Variants in MAP3K6 observed in about 807,000 individuals in gnomAD.
MAP3K6 encodes apoptosis signal-regulating kinase 2.
In MAP3K6, 105 loss-of-function variants were observed where a neutral mutation model predicts 147.1. That is an observed-to-expected ratio of 0.71 (90% CI 0.61 to 0.84). MAP3K6 has a LOEUF of 0.84. Among genes scored for constraint, MAP3K6 ranks in the 40% least tolerant of loss-of-function variants. The pLI is 0.00. For missense variants in MAP3K6, 1,569 were observed against 1,715.0 expected (o/e 0.91, Z 1.50); for synonymous variants, 695 against 732.4 (o/e 0.95, Z 0.82).
In MAP3K6 at chr1:27,358,109, A is replaced by G; in HGVS notation, c.2915+72T>C. 3.9e-6 allele frequency: 6 copies of G among 1,522,726 alleles called. No individual in the cohort carries two copies. Among genetic ancestry groups the G allele is most frequent in the Non-Finnish European group, 5.3e-6 (6 of 1,138,788 alleles). The allele number at this position is 1,522,726 out of a possible 1,614,324, so 94.3% of individuals were successfully genotyped here. A position where few individuals can be genotyped will look rare whatever the true frequency, so the allele number is the denominator to read the frequency against. On this transcript the variant is annotated intron_variant, in intron 21 of 28. Coordinates refer to ENST00000357582, the MANE Select transcript of MAP3K6 (RefSeq NM_004672.5). This position sits in a 1 kb window ranked among gnomAD's most constrained non-coding sequence, Gnocchi z 6.2. The stretch of plus-strand genomic sequence containing the variant: ...GGTCAAGGTGCCCAGGTCCCCAGGG[A>G]GGGCTTTTGTAGGAGAGGAGAAAAA...
At chr1:27,362,595 C>G (rs769472439) in intron 8 of MAP3K6, 46 bp downstream of exon 8, 2 of 1,438,094 alleles carry the variant, frequency 1.4e-6, no homozygotes, top group East Asian at 5.0e-5. Flanking sequence ...CCAGGCCCCT[C>G]GGAACCCCTG....
Position 27,362,906 on chromosome 1 carries a change from T to G in MAP3K6, c.1087A>C (p.Met363Leu). 1 of 1,614,066 alleles carries G rather than the reference T, an allele frequency of 6.2e-7. No individual in the cohort carries two copies. Among genetic ancestry groups the G allele is most frequent in the Non-Finnish European group, 8.5e-7 (1 of 1,179,994 alleles). ...YCMCGRIYKDMFFSSGFQDAG... is the reference protein window; with the variant it reads ...YCMCGRIYKDLFFSSGFQDAG... ...TCCTGGAAACCCGAGCTGAAGAACA[T>G]GTCCTTGTAGATACGGCCACACATG... The change falls in exon 7 of 29, where the codon ATG becomes CTG. Residue 363 changes from methionine to leucine, a missense_variant. Physicochemically the swap from Met to Leu is conservative, Grantham distance 15. Coordinates refer to ENST00000357582, the MANE Select transcript of MAP3K6 (RefSeq NM_004672.5).
rs141857843 is a variant in MAP3K6 at position 27,364,272 on chromosome 1, G to A, written c.627C>T (p.Thr209=). ...CCACCAGGGGAGTGAGCAGGGCCTC[G>A]GTCCCCACTCCAGCCTGTACCAGCC... ...ADGLVQAGVG[T]EALLTPLVGR... The change falls in exon 4 of 29, where the codon ACC becomes ACT. Residue 209 remains threonine, a synonymous_variant. Coordinates refer to ENST00000357582, the MANE Select transcript of MAP3K6 (RefSeq NM_004672.5). This position sits in a 1 kb window ranked among gnomAD's most constrained non-coding sequence, Gnocchi z 4.4. 4.0e-5 allele frequency: 64 copies of A among 1,613,650 alleles called. No individual in the cohort carries two copies. In the Admixed American group the frequency reaches 7.2e-4, roughly 18 times the overall value.
chr1:27,358,761 G>A lies in MAP3K6; in HGVS notation c.2531C>T (p.Thr844Ile). Residue 844 changes from threonine to isoleucine, a missense_variant, in exon 19 of 29, where the codon ACA becomes ATA. Transcript: ENST00000357582. This position sits in a 1 kb window ranked among gnomAD's most constrained non-coding sequence, Gnocchi z 6.2. ...GAGCTCGTGGAAGGGGGGGCGACCT[G>A]TGGCCATCTCAATGACAGTGCAGCC... ...SLGCTVIEMATGRPPFHELGS... is the reference protein window; with the variant it reads ...SLGCTVIEMAIGRPPFHELGS... The A allele has an allele frequency of 1.9e-6, 3 of 1,614,036 alleles. No homozygotes were observed. Among genetic ancestry groups the A allele is most frequent in the African/African-American group, 1.3e-5 (1 of 75,032 alleles).
chr1:27,357,470 TGCAGCGCCC>T lies in MAP3K6; in HGVS notation c.3179_3187del (p.Arg1060_Leu1062del), dbSNP rs1321782704. The T allele has an allele frequency of 6.2e-7, 1 of 1,613,522 alleles. No individual in the cohort carries two copies. The highest frequency in any genetic ancestry group is 2.2e-5 in the East Asian group (1 of 44,864). On this transcript the variant is annotated inframe_deletion, in exon 23 of 29. Coordinates refer to ENST00000357582, the MANE Select transcript of MAP3K6 (RefSeq NM_004672.5). ...AAGGCCCTGGGCCCTCAGCCGTCCT[TGCAGCGCCC>T]GCAGCTCCTGGGCGAGCTGCCGGCG...
rs1039686467 is a variant in MAP3K6, at chr1:27,359,007, C to G, written c.2426-141G>C. On this transcript the variant is annotated intron_variant, in intron 18 of 28. Coordinates refer to ENST00000357582, the MANE Select transcript of MAP3K6 (RefSeq NM_004672.5). The surrounding 1 kb of genome is among the most constrained non-coding windows in gnomAD (Gnocchi z 4.4). ...AATATACCTCAACACCTATCCTGGT[C>G]ATCAAACATCTATCCTGAGTTCCAT... The G allele has an allele frequency of 7.1e-5, 60 of 841,722 alleles. No individual in the cohort carries two copies. The Middle Eastern group carries it at 1.7e-3, about 23-fold the overall frequency. The allele number at this position is 841,722 out of a possible 1,614,324, so 52.1% of individuals were successfully genotyped here. A position where few individuals can be genotyped will look rare whatever the true frequency, so the allele number is the denominator to read the frequency against.
At position 27,359,432 on chromosome 1, in the gene MAP3K6, T is replaced by C; in HGVS notation, c.2410A>G (p.Thr804Ala). ...SKRLAGITPC[T>A]ETFTGTLQYM... ...ACCTTGTTACCTGTGAAGGTCTCAG[T>C]GCAAGGTGTGATGCCTGCCAGCCGC... The change falls in exon 18 of 29, where the codon ACT (threonine) becomes GCT (alanine). Residue 804 changes from threonine to alanine, a missense_variant. Thr to Ala is a moderately conservative substitution (Grantham distance 58). Coordinates refer to ENST00000357582, the MANE Select transcript of MAP3K6 (RefSeq NM_004672.5). This position sits in a 1 kb window ranked among gnomAD's most constrained non-coding sequence, Gnocchi z 4.4. 1 of 1,614,096 alleles carries C rather than the reference T, an allele frequency of 6.2e-7. No individual in the cohort carries two copies. The highest frequency in any genetic ancestry group is 2.2e-5 in the East Asian group (1 of 44,872).
At position 27,366,764 on chromosome 1, in the gene MAP3K6, T is replaced by C; in HGVS notation, c.-167A>G. On this transcript the variant is annotated 5_prime_UTR_variant, in exon 1 of 29. Coordinates refer to ENST00000357582, the MANE Select transcript of MAP3K6 (RefSeq NM_004672.5). The surrounding 1 kb of genome is among the most constrained non-coding windows in gnomAD (Gnocchi z 5.5). ...GGCCTGACGTCCCGTTCCAGGAATCTAAAGTCCAGGGAGAAATCCTAGCTC... is the reference window on the plus strand; with the variant it reads ...GGCCTGACGTCCCGTTCCAGGAATCCAAAGTCCAGGGAGAAATCCTAGCTC... The C allele has an allele frequency of 2.5e-6, 1 of 396,232 alleles. No homozygotes were observed. Among genetic ancestry groups the C allele is most frequent in the Non-Finnish European group, 3.5e-6 (1 of 288,266 alleles). The allele number at this position is 396,232 out of a possible 1,614,324, so 24.5% of individuals were successfully genotyped here. A position where few individuals can be genotyped will look rare whatever the true frequency, so the allele number is the denominator to read the frequency against.
Position 27,357,701 on chromosome 1 carries a change from G to A in MAP3K6, c.3081+10C>T, listed in dbSNP as rs751706835. On this transcript the variant is annotated intron_variant, in intron 22 of 28. Transcript: ENST00000357582. ...GCGACCACCAGGGGGCGCTAGAGTG[G>A]GCCGCCCACCTGCTCTTGCTTCTGC... 2.9e-5 allele frequency: 46 copies of A among 1,609,146 alleles called. No individual in the cohort carries two copies. Among genetic ancestry groups the A allele is most frequent in the Non-Finnish European group, 3.4e-5 (40 of 1,179,410 alleles).
rs951178009 is a variant in MAP3K6 at position 27,359,234 on chromosome 1, C to T, written c.2425+183G>A. ...CCTCAAGTGCTAAAGTCAATTTCAT[C>T]ACTTCTCCAAGCTCCAGTTCCAGAT... On this transcript the variant is annotated intron_variant, in intron 18 of 28. Transcript: ENST00000357582. This position sits in a 1 kb window ranked among gnomAD's most constrained non-coding sequence, Gnocchi z 4.4. Among the ~76,000 whole-genome samples the T allele has an allele frequency of 7.9e-5, 12 of 152,198 alleles. No individual in the cohort carries two copies. Among genetic ancestry groups the T allele is most frequent in the Non-Finnish European group, 1.5e-4 (10 of 68,038 alleles).
In MAP3K6 at chr1:27,359,339, A is replaced by C; in HGVS notation, c.2425+78T>G. The C allele has an allele frequency of 6.2e-7, 1 of 1,603,720 alleles. No homozygotes were observed. Among genetic ancestry groups the C allele is most frequent in the South Asian group, 1.1e-5 (1 of 90,402 alleles). ...GACTCTAACTCCATGCCTAGGAGAA[A>C]CCCCCTTCCCTGGAAAGTTCCAAGA... On this transcript the variant is annotated intron_variant, in intron 18 of 28. Coordinates refer to ENST00000357582, the MANE Select transcript of MAP3K6 (RefSeq NM_004672.5). This position sits in a 1 kb window ranked among gnomAD's most constrained non-coding sequence, Gnocchi z 4.4.
At position 27,360,126 on chromosome 1, in the gene MAP3K6, G is replaced by C. The variant is rs2015690685; in HGVS notation, c.2182+115C>G. The C allele has an allele frequency of 6.3e-7, 1 of 1,577,178 alleles. No homozygotes were observed. Among genetic ancestry groups the C allele is most frequent in the South Asian group, 1.2e-5 (1 of 86,014 alleles). On this transcript the variant is annotated intron_variant, in intron 16 of 28. Transcript: ENST00000357582. This position sits in a 1 kb window ranked among gnomAD's most constrained non-coding sequence, Gnocchi z 4.5. ...AGCGCCACTCCTCAGCTAATTCTAG[G>C]CTACACCACCCACACGCACTAGGGT...
In MAP3K6 at chr1:27,364,439, A is replaced by G. The variant is rs1305386416; in HGVS notation, c.505-45T>C. ...AATCAGTGAGGTCAGAGGTCAGCAC[A>G]GGGCTAGACAAGGGGAGTGAGAGCA... is the stretch of plus-strand genomic sequence containing the variant. On this transcript the variant is annotated intron_variant, in intron 3 of 28. Coordinates refer to ENST00000357582, the MANE Select transcript of MAP3K6 (RefSeq NM_004672.5). This position sits in a 1 kb window ranked among gnomAD's most constrained non-coding sequence, Gnocchi z 4.4. 2 of 1,603,006 alleles carry G rather than the reference A, an allele frequency of 1.2e-6. No homozygotes were observed.
Position 27,358,001 on chromosome 1 carries a change from C to T in MAP3K6, c.2916-125G>A. On this transcript the variant is annotated intron_variant, in intron 21 of 28. Transcript: ENST00000357582. This position sits in a 1 kb window ranked among gnomAD's most constrained non-coding sequence, Gnocchi z 6.2. ...CTCACAGGCATGAACATAGATAAAC[C>T]CCGCACTGAGAGGACACAACAAGTC... 2 of 1,469,764 alleles carry T rather than the reference C, an allele frequency of 1.4e-6. No individual in the cohort carries two copies. The highest frequency in any genetic ancestry group is 2.4e-5 in the East Asian group (1 of 40,998). The allele number at this position is 1,469,764 out of a possible 1,614,324, so 91.0% of individuals were successfully genotyped here. A position where few individuals can be genotyped will look rare whatever the true frequency, so the allele number is the denominator to read the frequency against.
At position 27,358,881 on chromosome 1, in the gene MAP3K6, G is replaced by A. The variant is rs377043999; in HGVS notation, c.2426-15C>T. The A allele has an allele frequency of 7.2e-5, 112 of 1,547,870 alleles. No individual in the cohort carries two copies. The highest frequency in any genetic ancestry group is 2.7e-4 in the Admixed American group (14 of 50,984). ...CTGCAGAGTTCCTAGGACAGAAACA[G>A]GAGCACCAATGCCCATCTAGGCTTC... On this transcript the variant is annotated splice_polypyrimidine_tract_variant and intron_variant, in intron 18 of 28. Coordinates refer to ENST00000357582, the MANE Select transcript of MAP3K6 (RefSeq NM_004672.5). The surrounding 1 kb of genome is among the most constrained non-coding windows in gnomAD (Gnocchi z 6.2).
rs374713008 is a variant in MAP3K6, at chr1:27,362,956, C to T, written c.1037G>A (p.Gly346Asp). Residue 346 changes from glycine to aspartate, a missense_variant, in exon 7 of 29, where the codon GGC (glycine) becomes GAC (aspartate). Coordinates refer to ENST00000357582, the MANE Select transcript of MAP3K6 (RefSeq NM_004672.5). ...GCAGTACAGATCGGGCGCCACAGAG[C>T]CCTCAAGCTGTACCAGCGGCAGCAG... The part of the protein sequence containing the change: ...SVLLPLVQLE[G>D]SVAPDLYCMC... 45 of 1,613,972 alleles carry T rather than the reference C, an allele frequency of 2.8e-5. No individual in the cohort carries two copies. In the African/African-American group the frequency reaches 3.5e-4, roughly 12 times the overall value.
At chr1:27,363,099 C>A (rs1323922452) in intron 6 of MAP3K6, 78 bp from the exon 7 acceptor site, 2 of 1,351,318 alleles carry the variant, frequency 1.5e-6, no homozygotes, top group Non-Finnish European at 2.0e-6. Flanking sequence ...ACTGAACCAG[C>A]AGGGACCCTT....
chr1:27,363,636 C>A (rs958003442), intron 5 of MAP3K6, 88 bp from the exon 6 acceptor site: 2 of 1,014,978 alleles, frequency 2.0e-6, no homozygotes, highest in East Asian at 2.6e-5. Context: ...TCCTGACATC[C>A]CACCCAGCCA....
Position 27,360,456 on chromosome 1 carries a change from A to AC in MAP3K6, c.2055-89dup. The AC allele has an allele frequency of 9.7e-7, 1 of 1,033,490 alleles. No homozygotes were observed. The highest frequency in any genetic ancestry group is 1.3e-6 in the Non-Finnish European group (1 of 793,606). The allele number at this position is 1,033,490 out of a possible 1,614,324, so 64.0% of individuals were successfully genotyped here. A position where few individuals can be genotyped will look rare whatever the true frequency, so the allele number is the denominator to read the frequency against. ...ACGCCAGCCTGGCCCCGCCCCAAGGACCCGCCCCGCCCACAAGCCCTCTCC... is the reference window on the plus strand; with the variant it reads ...ACGCCAGCCTGGCCCCGCCCCAAGGACCCCGCCCCGCCCACAAGCCCTCTCC... On this transcript the variant is annotated intron_variant, in intron 15 of 28. Transcript: ENST00000357582. This position sits in a 1 kb window ranked among gnomAD's most constrained non-coding sequence, Gnocchi z 4.5.
Sources: allele counts gnomAD v4.1 joint callset (sites outside exome capture counted in the v4.1 genomes callset), GRCh38; gene constraint gnomAD v4.1.1; non-coding constraint Gnocchi (gnomAD v3.1); transcripts MANE v1.5; gene names NCBI Gene and HGNC (gene_info 2026-07-23, HGNC 2026-07-21).